Variants in RPA1 observed in about 807,000 individuals in gnomAD.
RPA1 encodes the protein replication protein A1.
RPA1 carries 49 observed loss-of-function variants against 83.0 expected under a neutral mutation model. The observed-to-expected ratio is 0.59, with a 90% CI of 0.47 to 0.75. The LOEUF is 0.75. RPA1 is among the 30% of genes least tolerant of loss of function. The pLI, the probability that RPA1 is intolerant of heterozygous loss-of-function variation, is 0.00. For synonymous variants in RPA1, 279 were observed against 281.8 expected (o/e 0.99, Z 0.10); for missense variants, 693 against 776.1 (o/e 0.89, Z 1.27).
chr17:1,834,386 T>A (rs1416766837), intron 1 of RPA1, among the ~76,000 whole-genome samples: 2 of 152,214 alleles, frequency 1.3e-5, no homozygotes, highest in African/African-American at 2.4e-5. Context: ...TTTATAAACC[T>A]ATTTCCAGCG....
At chr17:1,854,499 G>A (rs17291958) in intron 5 of RPA1, among the ~76,000 whole-genome samples, 1,777 of 152,218 alleles carry the variant, frequency 0.012, 17 homozygotes, top group Middle Eastern at 0.061. Context: ...GCAGGAGGAC[G>A]AGACCAGCCT....
rs1183915388 is a variant in RPA1, at chr17:1,897,080, C to A, written c.1756C>A (p.Arg586=). Residue 586 remains arginine (R), a synonymous_variant, in exon 17 of 17, where the codon CGA becomes AGA. Coordinates refer to ENST00000254719, the MANE Select transcript of RPA1 (RefSeq NM_002945.5). The stretch of plus-strand genomic sequence containing the variant: ...TTCTCCCTTTTTGAAGGACGAGTCT[C>A]GAATTAAGGCCACTGTGATGGACGT... The part of the protein sequence containing the change: ...VKVETYNDES[R]IKATVMDVKP... The A allele has an allele frequency of 1.9e-6, 3 of 1,570,480 alleles. No individual in the cohort carries two copies. Among genetic ancestry groups the A allele is most frequent in the East Asian group, 2.4e-5 (1 of 42,418 alleles).
intron 14 of RPA1, among the ~76,000 whole-genome samples, chr17:1,891,190 C>G (rs3786134): frequency 1.3e-5 from 2 of 152,290 alleles, no homozygotes; most frequent in East Asian, 1.9e-4. Context: ...CTTGACTTTG[C>G]CCTGTTTAAT....
intron 1 of RPA1, among the ~76,000 whole-genome samples, chr17:1,841,052 A>G (rs12450745): frequency 0.39 from 59,215 of 151,972 alleles, 11,911 homozygotes; most frequent in East Asian, 0.53. Context: ...GACAGAGCGA[A>G]ACTCCGTCTC....
At position 1,844,563 on chromosome 17, in the gene RPA1, C is replaced by T; in HGVS notation, c.164-15C>T. The T allele has an allele frequency of 1.2e-6, 2 of 1,607,478 alleles. No individual in the cohort carries two copies. The highest frequency in any genetic ancestry group is 1.7e-6 in the Non-Finnish European group (2 of 1,175,496). On this transcript the variant is annotated splice_polypyrimidine_tract_variant and intron_variant, in intron 3 of 16. Transcript: ENST00000254719. The stretch of plus-strand genomic sequence containing the variant: ...GCAGGATTTTGGAGGCTAAAGAAAT[C>T]TCTGTGGTTTTCAGCTTTCATGTTG...
At chr17:1,869,221 G>T (rs191905158) in intron 5 of RPA1, among the ~76,000 whole-genome samples, 18 of 152,288 alleles carry the variant, frequency 1.2e-4, no homozygotes, top group African/African-American at 4.1e-4. Flanking sequence ...AATAATTTGA[G>T]GTGCTAAGAG....
chr17:1,885,500 C>T (rs989526871), intron 13 of RPA1, among the ~76,000 whole-genome samples: 28 of 152,014 alleles, frequency 1.8e-4, no homozygotes, highest in Non-Finnish European at 3.7e-4. Context: ...GAGACAGGGT[C>T]TCATTCTGTC....
At chr17:1,844,040 A>G (rs1912164065) in intron 3 of RPA1, 42 bp downstream of exon 3, 1 of 1,558,774 alleles carries the variant, frequency 6.4e-7, no homozygotes, top group African/African-American at 1.4e-5. Context: ...GAGTATTTAA[A>G]TAGTAGAAGC....
At chr17:1,866,828 T>C (rs958825749) in intron 5 of RPA1, among the ~76,000 whole-genome samples, 1 of 152,236 alleles carries the variant, frequency 6.6e-6, no homozygotes, top group African/African-American at 2.4e-5. Context: ...GGTTCTTGAT[T>C]TATGGTGTTT....
chr17:1,847,985 C>T (rs925843971), intron 4 of RPA1, among the ~76,000 whole-genome samples: 2 of 150,506 alleles, frequency 1.3e-5, no homozygotes, highest in Admixed American at 6.6e-5. Flanking sequence ...ACTCCAGCCT[C>T]GGTTACAGAG....
rs1230507918 is a variant in RPA1 at position 1,875,661 on chromosome 17, G to T, written c.455G>T (p.Gly152Val). The change falls in exon 7 of 17, where the codon GGT becomes GTT. Residue 152 changes from glycine (G) to valine (V), a missense_variant and splice_region_variant. By Grantham distance (109) the Gly-to-Val change is moderately radical. Transcript: ENST00000254719. ...TTTTCGTTTGCGTTTGTTTTTAAAGGTTCTACTGTTTCTAAGGCTTATGGT... is the reference window on the plus strand; with the variant it reads ...TTTTCGTTTGCGTTTGTTTTTAAAGTTTCTACTGTTTCTAAGGCTTATGGT... Reference protein sequence around the residue: ...PQPQNGSSGMGSTVSKAYGAS... With the variant: ...PQPQNGSSGMVSTVSKAYGAS... 3 of 1,611,162 alleles carry T rather than the reference G, an allele frequency of 1.9e-6. No homozygotes were observed. Among genetic ancestry groups the T allele is most frequent in the Non-Finnish European group, 2.5e-6 (3 of 1,179,076 alleles).
intron 1 of RPA1, among the ~76,000 whole-genome samples, chr17:1,835,496 T>C (rs983706833): frequency 6.6e-6 from 1 of 152,126 alleles, no homozygotes; most frequent in African/African-American, 2.4e-5. Context: ...ACAGCTGATT[T>C]CTTTGGAGCA....
chr17:1,847,565 A>G (rs1395617413), intron 4 of RPA1, among the ~76,000 whole-genome samples: 1 of 152,098 alleles, frequency 6.6e-6, no homozygotes, highest in Non-Finnish European at 1.5e-5. Flanking sequence ...TTTTTTGGTG[A>G]TCATTCAGGT....
intron 13 of RPA1, among the ~76,000 whole-genome samples, chr17:1,886,954 C>G (rs1914016878): frequency 6.6e-6 from 1 of 152,076 alleles, no homozygotes; most frequent in East Asian, 1.9e-4. Context: ...GCCACTGCAC[C>G]TGGCCTCTTC....
At chr17:1,879,734 G>T in intron 11 of RPA1, 35 bp downstream of exon 11, 1 of 1,613,276 alleles carries the variant, frequency 6.2e-7, no homozygotes, top group Non-Finnish European at 8.5e-7. Context: ...ACACGCACAG[G>T]ACCTCCTGGG....
chr17:1,878,361 C>A (rs905251101), intron 8 of RPA1, among the ~76,000 whole-genome samples: 2 of 152,082 alleles, frequency 1.3e-5, no homozygotes, highest in Non-Finnish European at 2.9e-5. Context: ...GATATAACAC[C>A]CAAAATGTTT....
intron 1 of RPA1, among the ~76,000 whole-genome samples, chr17:1,834,258 T>C (rs1801488075): frequency 6.6e-6 from 1 of 152,236 alleles, no homozygotes; most frequent in South Asian, 2.1e-4. Flanking sequence ...GGTCTCACTC[T>C]GTTGCCCATG....
intron 16 of RPA1, among the ~76,000 whole-genome samples, chr17:1,896,344 G>A (rs550417232): frequency 7.9e-5 from 12 of 152,306 alleles, no homozygotes; most frequent in African/African-American, 2.4e-4. Flanking sequence ...CGTTCTGCCC[G>A]GAAAGGCACC....
rs945372542 is a variant in RPA1 at position 1,883,836 on chromosome 17, A to G, written c.1266A>G (p.Leu422=). 6.2e-7 allele frequency: 1 copy of G among 1,614,036 alleles called. No homozygotes were observed. The highest frequency in any genetic ancestry group is 1.3e-5 in the African/African-American group (1 of 74,914). Residue 422 remains leucine, a synonymous_variant, in exon 13 of 17, where the codon TTA becomes TTG. Coordinates refer to ENST00000254719, the MANE Select transcript of RPA1 (RefSeq NM_002945.5). The part of the protein sequence containing the change: ...RGWFDAEGQA[L]DGVSISDLKS... ...GGTTTGACGCAGAAGGACAAGCCTT[A>G]GATGGTGTTTCCATCTCTGATCTAA...
Sources: gnomAD v4.1 joint callset for allele counts (sites outside exome capture counted in the v4.1 genomes callset) on GRCh38, gnomAD v4.1.1 for gene constraint, MANE v1.5 for transcripts, NCBI Gene and HGNC (gene_info 2026-07-23, HGNC 2026-07-21) for gene names.